GPC5: variants seen among roughly 807,000 people sequenced by gnomAD.
GPC5 encodes glypican-5.
Under a neutral mutation model 53.9 loss-of-function variants are expected in GPC5, and 47 were observed. The ratio of observed to expected loss-of-function variants is 0.87; its 90% CI spans 0.69 to 1.11. GPC5 has a LOEUF of 1.11. Among genes scored for constraint, GPC5 ranks in the 50% most tolerant of loss-of-function variants. The pLI is 0.00. For missense variants in GPC5, 748 were observed against 713.1 expected, an observed-to-expected ratio of 1.05 and a Z score of -0.56; for synonymous variants, 286 against 263.3, an observed-to-expected ratio of 1.09 and a Z score of -0.84.
chr13:92,774,344 G>C (rs1875719915), intron 7 of GPC5, among the ~76,000 whole-genome samples: 2 of 152,124 alleles, frequency 1.3e-5, no homozygotes, highest in Admixed American at 1.3e-4. Context: ...ACTTGTAGTG[G>C]TCTGTACATT....
At chr13:91,975,289 G>C (rs1292803583) in intron 6 of GPC5, among the ~76,000 whole-genome samples, 2 of 152,116 alleles carry the variant, frequency 1.3e-5, no homozygotes, top group Non-Finnish European at 2.9e-5. Flanking sequence ...TTAAACTAAA[G>C]AGCTTCTGCA....
chr13:91,487,200 C>T (rs1341971387), intron 2 of GPC5, among the ~76,000 whole-genome samples: 1 of 151,948 alleles, frequency 6.6e-6, no homozygotes, highest in Non-Finnish European at 1.5e-5. Flanking sequence ...GGGGAAGTCA[C>T]GGGTGTGATT....
intron 7 of GPC5, among the ~76,000 whole-genome samples, chr13:92,284,887 G>A (rs1307925187): frequency 1.3e-5 from 2 of 152,124 alleles, no homozygotes; most frequent in Non-Finnish European, 2.9e-5. Context: ...GGAAGTTCTG[G>A]CCAGGGTAAT....
At chr13:91,771,420 C>T (rs1184864767) in intron 5 of GPC5, among the ~76,000 whole-genome samples, 1 of 152,172 alleles carries the variant, frequency 6.6e-6, no homozygotes, top group Non-Finnish European at 1.5e-5. Flanking sequence ...ATTGCAAATA[C>T]ACATGACCTT....
At chr13:91,746,496 A>G (rs1286266767) in intron 4 of GPC5, among the ~76,000 whole-genome samples, 1 of 152,152 alleles carries the variant, frequency 6.6e-6, no homozygotes, top group African/African-American at 2.4e-5. Flanking sequence ...GTTGTATTCA[A>G]TGGAAAAAAA....
At chr13:91,501,927 T>A (rs1884660217) in intron 2 of GPC5, among the ~76,000 whole-genome samples, 1 of 152,364 alleles carries the variant, frequency 6.6e-6, no homozygotes, top group East Asian at 1.9e-4. Flanking sequence ...GACTTTGTAA[T>A]GATCGCCATT....
intron 7 of GPC5, among the ~76,000 whole-genome samples, chr13:92,249,876 CCT>C (rs1266516032): frequency 6.6e-6 from 1 of 152,030 alleles, no homozygotes; most frequent in East Asian, 1.9e-4. Flanking sequence ...TATCCATTTA[CCT>C]CTCTTAGTTT....
intron 2 of GPC5, among the ~76,000 whole-genome samples, chr13:91,648,687 A>G (rs186809819): frequency 1.4e-4 from 21 of 150,658 alleles, no homozygotes. Context: ...TTTTTGCCAT[A>G]AAACATACAT....
intron 5 of GPC5, among the ~76,000 whole-genome samples, chr13:91,839,451 C>G (rs1359234277): frequency 6.6e-6 from 1 of 152,006 alleles, no homozygotes; most frequent in Non-Finnish European, 1.5e-5. Context: ...AATAGTAGGG[C>G]TAGTACTCTC....
At chr13:92,631,262 CAGT>C (rs1439706628) in intron 7 of GPC5, among the ~76,000 whole-genome samples, 1 of 152,016 alleles carries the variant, frequency 6.6e-6, no homozygotes, top group Non-Finnish European at 1.5e-5. Flanking sequence ...TAAAAAATAA[CAGT>C]AGAAGCCTGC....
intron 7 of GPC5, among the ~76,000 whole-genome samples, chr13:92,709,266 C>T (rs1288901053): frequency 2.0e-5 from 3 of 149,488 alleles, no homozygotes; most frequent in African/African-American, 7.4e-5. Flanking sequence ...ACCATGTTGA[C>T]CACGCTGGTC....
At chr13:92,614,100 A>G (rs1884598684) in intron 7 of GPC5, among the ~76,000 whole-genome samples, 2 of 152,120 alleles carry the variant, frequency 1.3e-5, no homozygotes, top group African/African-American at 4.8e-5. Context: ...ATTTAGCAAA[A>G]GAATGAATCT....
intron 7 of GPC5, among the ~76,000 whole-genome samples, chr13:92,618,235 T>C (rs772045835): frequency 1.3e-5 from 2 of 152,160 alleles, no homozygotes; most frequent in African/African-American, 4.8e-5. Flanking sequence ...TTTATTGACA[T>C]ATGTCTTTCA....
chr13:91,517,583 G>A (rs569804339), intron 2 of GPC5, among the ~76,000 whole-genome samples: 1 of 152,100 alleles, frequency 6.6e-6, no homozygotes, highest in Admixed American at 6.5e-5. Context: ...GCCCTCCAAA[G>A]TGTTTCAATT....
At chr13:92,430,773 A>G (rs1877049421) in intron 7 of GPC5, among the ~76,000 whole-genome samples, 1 of 152,148 alleles carries the variant, frequency 6.6e-6, no homozygotes, top group Non-Finnish European at 1.5e-5. Flanking sequence ...TGGGTGAGGG[A>G]CAATGGGAAC....
At chr13:91,782,315 A>G (rs2037810681) in intron 5 of GPC5, among the ~76,000 whole-genome samples, 1 of 152,306 alleles carries the variant, frequency 6.6e-6, no homozygotes, top group East Asian at 1.9e-4. Flanking sequence ...CCTGCTTTAA[A>G]GAAATACCCG....
intron 2 of GPC5, among the ~76,000 whole-genome samples, chr13:91,571,678 T>C (rs2031786223): frequency 6.6e-6 from 1 of 151,182 alleles, no homozygotes; most frequent in Non-Finnish European, 1.5e-5. Context: ...TGAGCCAAGA[T>C]GGTGCCCCTT....
At chr13:92,284,263 A>T (rs1449133960) in intron 7 of GPC5, among the ~76,000 whole-genome samples, 1 of 152,174 alleles carries the variant, frequency 6.6e-6, no homozygotes, top group East Asian at 1.9e-4. Flanking sequence ...TACCAACCAA[A>T]AAAAAGTCCA....
chr13:92,151,996 T>C (rs2041910743), intron 7 of GPC5, among the ~76,000 whole-genome samples: 1 of 152,108 alleles, frequency 6.6e-6, no homozygotes, highest in South Asian at 2.1e-4. Context: ...CAACTGACAA[T>C]AGGGATGAGA....
Sources: allele counts gnomAD v4.1 joint callset (sites outside exome capture counted in the v4.1 genomes callset), GRCh38; gene constraint gnomAD v4.1.1; transcripts MANE v1.5; gene names NCBI Gene and HGNC (gene_info 2026-07-23, HGNC 2026-07-21).